SHROOM2: variants seen among roughly 807,000 people sequenced by gnomAD.
The protein encoded by SHROOM2 is protein Shroom2.
Under a neutral mutation model 75.9 loss-of-function variants are expected in SHROOM2, and 33 were observed. That is an observed-to-expected ratio of 0.43 (90% CI 0.33 to 0.58). SHROOM2 has a LOEUF of 0.58. Ranked by LOEUF, SHROOM2 falls within the 20% of genes least tolerant of loss-of-function variation. SHROOM2 has a pLI of 0.04. For synonymous variants in SHROOM2, 655 were observed against 663.6 expected (o/e 0.99, Z 0.20); for missense variants, 1,434 against 1,461.2 (o/e 0.98, Z 0.30).
At chrX:9,928,841 T>TAC (rs759764927) in intron 5 of SHROOM2, among the ~76,000 whole-genome samples, 78 of 111,697 alleles carry the variant, frequency 7.0e-4, no homozygotes, top group African/African-American at 2.3e-3. Context: ...CAACCAGACA[T>TAC]ACACATACAA....
intron 1 of SHROOM2, among the ~76,000 whole-genome samples, chrX:9,866,516 A>G (rs1270168467): frequency 1.8e-5 from 2 of 110,853 alleles, no homozygotes; most frequent in East Asian, 5.7e-4. Context: ...GGCAGGTGAC[A>G]TGTCCAGATC....
chrX:9,878,125 G>C (rs774626957), intron 2 of SHROOM2, among the ~76,000 whole-genome samples: 1 of 111,942 alleles, frequency 8.9e-6, no homozygotes, highest in Non-Finnish European at 1.9e-5. Flanking sequence ...CTAAAGCTTT[G>C]CAATTACCCT....
At chrX:9,873,956 C>T (rs2084185053) in intron 2 of SHROOM2, among the ~76,000 whole-genome samples, 153 bp downstream of exon 2, 3 of 111,986 alleles carry the variant, frequency 2.7e-5, no homozygotes, top group African/African-American at 9.7e-5. Context: ...ATGGGCCCGG[C>T]ATCAAGAGTC....
chrX:9,807,957 A>G (rs1164894140), intron 1 of SHROOM2, among the ~76,000 whole-genome samples: 1 of 111,549 alleles, frequency 9.0e-6, no homozygotes, highest in Non-Finnish European at 1.9e-5. Flanking sequence ...ACTTGTGACC[A>G]TCCTGGGTGC....
At chrX:9,831,375 A>T (rs1688841121) in intron 1 of SHROOM2, among the ~76,000 whole-genome samples, 1 of 112,359 alleles carries the variant, frequency 8.9e-6, no homozygotes, top group Non-Finnish European at 1.9e-5. Context: ...AAAAGACCAT[A>T]GACCAGTTGA....
chrX:9,879,554 C>T (rs757336522), intron 2 of SHROOM2, among the ~76,000 whole-genome samples: 5 of 112,763 alleles, frequency 4.4e-5, no homozygotes, highest in Non-Finnish European at 9.4e-5. Context: ...AGCCACTGCA[C>T]CCGGCCAGCT....
At position 9,948,963 on chromosome X, in the gene SHROOM2, C is replaced by T. The variant is rs1006788333; in HGVS notation, c.*2026C>T. 6 of 136,323 alleles carry T rather than the reference C, an allele frequency of 4.4e-5. No individual in the cohort carries two copies. The highest frequency in any genetic ancestry group is 8.9e-5 in the Non-Finnish European group (6 of 67,342). The allele number at this position is 136,323 out of a possible 1,213,427, so 11.2% of individuals were successfully genotyped here. A position where few individuals can be genotyped will look rare whatever the true frequency, so the allele number is the denominator to read the frequency against. Reference sequence around the variant, plus strand: ...TTGCCCTCAAATACAGTATTGTGGTCATTTTGATGATATGTGTGTAAAATG... The same window carrying T: ...TTGCCCTCAAATACAGTATTGTGGTTATTTTGATGATATGTGTGTAAAATG... On this transcript the variant is annotated 3_prime_UTR_variant, in exon 10 of 10. Coordinates refer to ENST00000380913, the MANE Select transcript of SHROOM2 (RefSeq NM_001649.4).
At chrX:9,915,574 TA>T (rs1191579123) in intron 5 of SHROOM2, among the ~76,000 whole-genome samples, 7 of 111,574 alleles carry the variant, frequency 6.3e-5, no homozygotes, top group Non-Finnish European at 1.3e-4. Context: ...ATTATTCCGT[TA>T]AAAAAATCTA....
chrX:9,810,073 G>C (rs745326622), intron 1 of SHROOM2, among the ~76,000 whole-genome samples: 1 of 112,616 alleles, frequency 8.9e-6, no homozygotes, highest in East Asian at 2.8e-4. Context: ...CGCAAACATG[G>C]TTTTAGCAAA....
intron 1 of SHROOM2, among the ~76,000 whole-genome samples, chrX:9,793,792 TG>T (rs2083680620): frequency 9.1e-6 from 1 of 109,479 alleles, no homozygotes; most frequent in African/African-American, 3.3e-5. Flanking sequence ...TTGCTCAAGC[TG>T]GAGTGCAGTG....
intron 1 of SHROOM2, among the ~76,000 whole-genome samples, chrX:9,855,752 C>T (rs774699722): frequency 1.8e-5 from 2 of 111,534 alleles, no homozygotes; most frequent in South Asian, 3.7e-4. Context: ...GTGTGTCAGC[C>T]GCCTTGTCGC....
chrX:9,809,834 A>AT (rs1280029015), intron 1 of SHROOM2, among the ~76,000 whole-genome samples: 1 of 110,921 alleles, frequency 9.0e-6, no homozygotes, highest in African/African-American at 3.3e-5. Flanking sequence ...ATGCCAGCCA[A>AT]TTTTTTTGTG....
chrX:9,923,341 A>G (rs1372680054), intron 5 of SHROOM2, among the ~76,000 whole-genome samples: 1 of 111,465 alleles, frequency 9.0e-6, no homozygotes, highest in Admixed American at 9.5e-5. Context: ...GGTGCACTCA[A>G]TCTTACCATT....
At chrX:9,869,418 A>C (rs1028471153) in intron 1 of SHROOM2, among the ~76,000 whole-genome samples, 2 of 112,261 alleles carry the variant, frequency 1.8e-5, no homozygotes, top group Non-Finnish European at 3.8e-5. Flanking sequence ...CATTTTCAGA[A>C]CTTGTCATCT....
chrX:9,835,975 A>T (rs2083942075), intron 1 of SHROOM2, among the ~76,000 whole-genome samples: 2 of 112,117 alleles, frequency 1.8e-5, no homozygotes, highest in South Asian at 7.3e-4. Flanking sequence ...TCTCACTGTC[A>T]AGTAAAGAAC....
intron 5 of SHROOM2, among the ~76,000 whole-genome samples, chrX:9,927,211 A>G (rs1040681837): frequency 9.2e-6 from 1 of 109,199 alleles, no homozygotes; most frequent in Admixed American, 9.9e-5. Flanking sequence ...TAGCCAGGCC[A>G]TAGTGGCATA....
At chrX:9,893,920 C>T (rs1305469852) in intron 3 of SHROOM2, among the ~76,000 whole-genome samples, 1 of 105,891 alleles carries the variant, frequency 9.4e-6, no homozygotes, top group African/African-American at 3.5e-5. Context: ...CGCGTCTGCA[C>T]TCCAGCCTAG....
chrX:9,814,143 T>G (rs1396836429), intron 1 of SHROOM2, among the ~76,000 whole-genome samples: 2 of 111,812 alleles, frequency 1.8e-5, no homozygotes, highest in Non-Finnish European at 3.8e-5. Flanking sequence ...CCAATCTCCC[T>G]AAGCCTTTGG....
intron 2 of SHROOM2, among the ~76,000 whole-genome samples, chrX:9,884,662 C>A (rs1485181143): frequency 1.5e-5 from 1 of 68,742 alleles, no homozygotes; most frequent in Non-Finnish European, 2.7e-5. Flanking sequence ...TATTTGTGTT[C>A]TAAACCCTGT....
Sources: allele counts gnomAD v4.1 joint callset (sites outside exome capture counted in the v4.1 genomes callset), GRCh38; gene constraint gnomAD v4.1.1; transcripts MANE v1.5; gene names NCBI Gene and HGNC (gene_info 2026-07-23, HGNC 2026-07-21).